FOXN3: variants seen among roughly 807,000 people sequenced by gnomAD.
FOXN3 encodes forkhead box protein N3.
A neutral mutation model predicts 38.4 loss-of-function variants in FOXN3; 7 were observed. That is an observed-to-expected ratio of 0.18 (90% CI 0.10 to 0.34). FOXN3 has a LOEUF of 0.34. FOXN3 is among the 10% of genes least tolerant of loss of function. The pLI is 1.00. For missense variants in FOXN3, 456 were observed against 613.4 expected (o/e 0.74, Z 2.71); for synonymous variants, 230 against 242.2 (o/e 0.95, Z 0.47).
At chr14:89,560,278 C>T (rs1895220251) in intron 1 of FOXN3, among the ~76,000 whole-genome samples, 1 of 152,176 alleles carries the variant, frequency 6.6e-6, no homozygotes, top group African/African-American at 2.4e-5. Context: ...CTGGGGATTA[C>T]AGTTCAACAT....
intron 4 of FOXN3, among the ~76,000 whole-genome samples, chr14:89,221,408 T>C (rs1324705291): frequency 6.6e-6 from 1 of 152,258 alleles, no homozygotes; most frequent in Non-Finnish European, 1.5e-5. Context: ...TCTTTTAAAG[T>C]CTGTTATCAC....
intron 1 of FOXN3, among the ~76,000 whole-genome samples, chr14:89,430,066 C>T (rs1892123903): frequency 6.6e-6 from 1 of 152,282 alleles, no homozygotes; most frequent in South Asian, 2.1e-4. Context: ...TTAGTTATTA[C>T]AAGCAATCAT....
At chr14:89,242,121 C>G (rs1885157843) in intron 4 of FOXN3, among the ~76,000 whole-genome samples, 1 of 152,152 alleles carries the variant, frequency 6.6e-6, no homozygotes, top group African/African-American at 2.4e-5. Context: ...ACAAGGTGAC[C>G]ACTGATCATC....
chr14:89,286,605 C>T (rs2139926174), intron 3 of FOXN3, among the ~76,000 whole-genome samples: 1 of 152,294 alleles, frequency 6.6e-6, no homozygotes, highest in East Asian at 1.9e-4. Context: ...GCAGTTGTAA[C>T]AAAGGGAGAA....
chr14:89,612,231 T>C (rs776730590), intron 1 of FOXN3, among the ~76,000 whole-genome samples: 21 of 152,128 alleles, frequency 1.4e-4, no homozygotes, highest in Non-Finnish European at 2.2e-4. Flanking sequence ...TAAGCTAATA[T>C]GAGAACCAAT....
rs1025848093 is a variant in FOXN3 at position 89,192,751 on chromosome 14, A to T, written c.746-11945T>A. On this transcript the variant is annotated intron_variant, in intron 4 of 5. Transcript: ENST00000557258. ...ATAGTTAATATATGTATACTATCAT[A>T]TATAATAGTTTATATATTATTAGTT... 2.7e-5 allele frequency among the ~76,000 whole-genome samples: 4 copies of T among 146,456 alleles called. No homozygotes were observed. In the Admixed American group the frequency reaches 2.7e-4, roughly 10 times the overall value.
intron 3 of FOXN3, among the ~76,000 whole-genome samples, chr14:89,319,354 C>T (rs1175448258): frequency 3.3e-5 from 5 of 152,074 alleles, no homozygotes; most frequent in African/African-American, 9.7e-5. Context: ...CCAGAGGAAC[C>T]CAGATGCAAG....
chr14:89,375,215 T>C (rs1859144774), intron 2 of FOXN3, among the ~76,000 whole-genome samples: 5 of 152,166 alleles, frequency 3.3e-5, no homozygotes, highest in Admixed American at 3.3e-4. Context: ...TTAGTCAAAA[T>C]ACTTTCAATG....
At chr14:89,183,070 C>T (rs1397457166) in intron 4 of FOXN3, among the ~76,000 whole-genome samples, 1 of 152,164 alleles carries the variant, frequency 6.6e-6, no homozygotes, top group African/African-American at 2.4e-5. Flanking sequence ...TAGAAGACAG[C>T]AGAACTCTTG....
intron 4 of FOXN3, among the ~76,000 whole-genome samples, chr14:89,211,419 TG>T (rs1337904966): frequency 2.0e-5 from 3 of 152,222 alleles, no homozygotes; most frequent in Admixed American, 2.0e-4. Flanking sequence ...ATCTCATTAG[TG>T]TCCTGGGACC....
intron 2 of FOXN3, among the ~76,000 whole-genome samples, chr14:89,383,896 T>A (rs1474434279): frequency 6.6e-6 from 1 of 151,882 alleles, no homozygotes; most frequent in African/African-American, 2.4e-5. Context: ...TTCAAGCAAT[T>A]TTTGTGCCTC....
chr14:89,177,251 T>A (rs924449174), intron 5 of FOXN3, among the ~76,000 whole-genome samples: 1 of 152,160 alleles, frequency 6.6e-6, no homozygotes, highest in Non-Finnish European at 1.5e-5. Flanking sequence ...CCTCAGGTGA[T>A]CTGCCTGCCT....
intron 4 of FOXN3, among the ~76,000 whole-genome samples, chr14:89,261,431 T>C (rs976046769): frequency 2.0e-4 from 31 of 152,236 alleles, no homozygotes; most frequent in Admixed American, 2.0e-3. Context: ...TGTACATTCC[T>C]GCTTTTATTA....
intron 1 of FOXN3, among the ~76,000 whole-genome samples, chr14:89,592,613 T>G (rs1895980682): frequency 1.3e-5 from 2 of 152,212 alleles, no homozygotes. Context: ...AAACTTATTT[T>G]CAACCTATAA....
At chr14:89,328,061 T>C (rs534273072) in intron 3 of FOXN3, among the ~76,000 whole-genome samples, 1 of 152,356 alleles carries the variant, frequency 6.6e-6, no homozygotes, top group African/African-American at 2.4e-5. Flanking sequence ...AGTACTTCAA[T>C]ACTTGGGAAG....
intron 1 of FOXN3, among the ~76,000 whole-genome samples, chr14:89,445,958 G>A (rs1042638662): frequency 6.6e-5 from 10 of 150,848 alleles, no homozygotes; most frequent in African/African-American, 2.4e-4. Flanking sequence ...GGGGGGTGGC[G>A]GGGGTGGAGG....
At chr14:89,416,281 C>A (rs573489914) in intron 1 of FOXN3, among the ~76,000 whole-genome samples, 3 of 152,224 alleles carry the variant, frequency 2.0e-5, no homozygotes, top group Non-Finnish European at 4.4e-5. Context: ...ATATACAGGG[C>A]AATTGGGAGC....
chr14:89,506,726 C>T (rs1445185275), intron 1 of FOXN3, among the ~76,000 whole-genome samples: 1 of 152,102 alleles, frequency 6.6e-6, no homozygotes, highest in Non-Finnish European at 1.5e-5. Context: ...GGATGGTTGC[C>T]GTGTCTGTGT....
Position 89,160,377 on chromosome 14 carries a change from T to C in FOXN3, c.*2037A>G, listed in dbSNP as rs1566917073. The C allele has an allele frequency of 6.6e-6, 1 of 152,266 alleles. No individual in the cohort carries two copies. The highest frequency in any genetic ancestry group is 1.5e-5 in the Non-Finnish European group (1 of 67,990). 9.4% of individuals were successfully genotyped at this position (152,266 alleles called of 1,614,324 possible). On this transcript the variant is annotated 3_prime_UTR_variant, in exon 6 of 6. Coordinates refer to ENST00000557258, the MANE Select transcript of FOXN3 (RefSeq NM_005197.4). ...GCTGAAGGTAGCGATGGCCGGCCCC[T>C]GCTTCCTATTGCGACATGGCATTGT... is the stretch of plus-strand genomic sequence containing the variant.
Sources: allele counts gnomAD v4.1 joint callset (sites outside exome capture counted in the v4.1 genomes callset), GRCh38; gene constraint gnomAD v4.1.1; transcripts MANE v1.5; gene names NCBI Gene and HGNC (gene_info 2026-07-23, HGNC 2026-07-21).